Variants in POU6F2 observed in about 807,000 individuals in gnomAD.
POU6F2 encodes POU domain, class 6, transcription factor 2.
Under a neutral mutation model 71.3 loss-of-function variants are expected in POU6F2, and 31 were observed. That is an observed-to-expected ratio of 0.43 (90% CI 0.33 to 0.59). The LOEUF is 0.59. POU6F2 is among the 20% of genes least tolerant of loss of function. POU6F2 has a pLI of 0.04. For synonymous variants in POU6F2, 347 were observed against 355.7 expected (o/e 0.98, Z 0.27); for missense variants, 783 against 856.8 (o/e 0.91, Z 1.07).
intron 1 of POU6F2, among the ~76,000 whole-genome samples, chr7:39,069,011 A>G (rs1020384495): frequency 2.0e-4 from 30 of 152,170 alleles, no homozygotes; most frequent in African/African-American, 6.8e-4. Context: ...CGGATCACAC[A>G]TAAAAATTGT....
intron 9 of POU6F2, among the ~76,000 whole-genome samples, chr7:39,461,317 C>T (rs1788944977): frequency 6.6e-6 from 1 of 152,136 alleles, no homozygotes; most frequent in Non-Finnish European, 1.5e-5. Flanking sequence ...TGCTCATCTC[C>T]CCCAAATTAA....
chr7:39,164,550 C>T (rs1183447956), intron 2 of POU6F2, among the ~76,000 whole-genome samples: 3 of 151,334 alleles, frequency 2.0e-5, no homozygotes, highest in Non-Finnish European at 4.4e-5. Flanking sequence ...TGTGCTAAGT[C>T]ACAATTTGTG....
intron 9 of POU6F2, among the ~76,000 whole-genome samples, chr7:39,463,279 G>A (rs572533580): frequency 6.6e-6 from 1 of 152,348 alleles, no homozygotes; most frequent in Admixed American, 6.5e-5. Flanking sequence ...TAAAGTCAAT[G>A]TAGCAAAGAA....
chr7:39,389,732 A>G (rs1181267845), intron 5 of POU6F2, among the ~76,000 whole-genome samples: 1 of 152,218 alleles, frequency 6.6e-6, no homozygotes, highest in Non-Finnish European at 1.5e-5. Context: ...TGAGATTCTT[A>G]GTGGCCATTT....
At chr7:39,325,392 AC>A (rs1485240802) in intron 4 of POU6F2, among the ~76,000 whole-genome samples, 1 of 152,140 alleles carries the variant, frequency 6.6e-6, no homozygotes, top group Admixed American at 6.6e-5. Flanking sequence ...CTTTTTGGCA[AC>A]CCTGAAATTG....
chr7:39,358,723 G>A (rs918195875), intron 5 of POU6F2, among the ~76,000 whole-genome samples: 4 of 152,098 alleles, frequency 2.6e-5, no homozygotes, highest in African/African-American at 9.7e-5. Flanking sequence ...GAAGATGATT[G>A]TTCATTAATA....
intron 8 of POU6F2, among the ~76,000 whole-genome samples, chr7:39,459,791 G>T (rs554071779): frequency 6.6e-6 from 1 of 150,474 alleles, no homozygotes; most frequent in Non-Finnish European, 1.5e-5. Flanking sequence ...CAGTAGCCAG[G>T]GGGGGAAAAG....
intron 5 of POU6F2, among the ~76,000 whole-genome samples, chr7:39,361,177 T>C (rs1786381834): frequency 6.6e-6 from 1 of 152,222 alleles, no homozygotes; most frequent in Non-Finnish European, 1.5e-5. Flanking sequence ...ATTTCTCTTA[T>C]AAATCAAGAT....
chr7:39,209,550 A>G (rs1484461992), intron 4 of POU6F2, among the ~76,000 whole-genome samples: 3 of 152,196 alleles, frequency 2.0e-5, no homozygotes, highest in Non-Finnish European at 2.9e-5. Context: ...CTTTCTAATT[A>G]GTATAAGTCT....
At chr7:39,296,615 G>A (rs1784849280) in intron 4 of POU6F2, among the ~76,000 whole-genome samples, 1 of 152,148 alleles carries the variant, frequency 6.6e-6, no homozygotes, top group South Asian at 2.1e-4. Flanking sequence ...AGTCTGTGCT[G>A]GTGGTGTTCC....
intron 4 of POU6F2, among the ~76,000 whole-genome samples, chr7:39,280,339 G>A (rs1008866866): frequency 2.0e-5 from 3 of 152,198 alleles, no homozygotes; most frequent in African/African-American, 7.2e-5. Flanking sequence ...GACCCAAAGT[G>A]TGTGTTCAAC....
chr7:39,435,727 G>A (rs759315847), intron 7 of POU6F2, among the ~76,000 whole-genome samples: 7 of 152,164 alleles, frequency 4.6e-5, no homozygotes, highest in Non-Finnish European at 8.8e-5. Flanking sequence ...GAATGGTATT[G>A]CCTAGGTTTT....
Position 39,416,765 on chromosome 7 carries a change from A to G in POU6F2, c.1113+10025A>G, listed in dbSNP as rs573637835. Among the ~76,000 whole-genome samples the G allele has an allele frequency of 2.0e-4, 31 of 152,292 alleles. 2 individuals are homozygous for G. In the South Asian group the frequency reaches 6.2e-3, roughly 31 times the overall value. ...GAGGAAAGAAAATACCACATTTAAC[A>G]AGTATATCAATTGTTAGAAGTAGCC... On this transcript the variant is annotated intron_variant, in intron 6 of 9. Transcript: ENST00000518318.
At chr7:39,230,964 G>C (rs1466769151) in intron 4 of POU6F2, among the ~76,000 whole-genome samples, 2 of 152,142 alleles carry the variant, frequency 1.3e-5, no homozygotes, top group Non-Finnish European at 2.9e-5. Context: ...AGGGTCACTT[G>C]GCAATGTCTG....
At chr7:39,274,016 T>C (rs1036788492) in intron 4 of POU6F2, among the ~76,000 whole-genome samples, 2 of 152,206 alleles carry the variant, frequency 1.3e-5, no homozygotes, top group East Asian at 3.8e-4. Context: ...ATTTATATAA[T>C]GTAAACTAAC....
At chr7:39,356,076 C>A (rs574652137) in intron 5 of POU6F2, among the ~76,000 whole-genome samples, 67 of 152,336 alleles carry the variant, frequency 4.4e-4, no homozygotes, top group African/African-American at 1.5e-3. Flanking sequence ...GGCCCCAAGG[C>A]AGAGCTATCA....
intron 4 of POU6F2, among the ~76,000 whole-genome samples, chr7:39,271,230 G>C (rs1313884803): frequency 6.6e-6 from 1 of 152,202 alleles, no homozygotes; most frequent in Non-Finnish European, 1.5e-5. Context: ...ACATTTCGGT[G>C]TCCTTGGATA....
At chr7:39,355,535 G>A in intron 5 of POU6F2, among the ~76,000 whole-genome samples, 1 of 152,056 alleles carries the variant, frequency 6.6e-6, no homozygotes, top group East Asian at 1.9e-4. Flanking sequence ...AGACAGAGAT[G>A]GGATTTCTTA....
intron 2 of POU6F2, among the ~76,000 whole-genome samples, chr7:39,101,081 T>A (rs972823434): frequency 1.3e-5 from 2 of 151,230 alleles, no homozygotes. Flanking sequence ...TTCTTTTTTT[T>A]TTTTTTTTTG....
Sources: allele counts gnomAD v4.1 joint callset (sites outside exome capture counted in the v4.1 genomes callset), GRCh38; gene constraint gnomAD v4.1.1; transcripts MANE v1.5; gene names NCBI Gene and HGNC (gene_info 2026-07-23, HGNC 2026-07-21).